Variants in SNTG1 observed in about 807,000 individuals in gnomAD.
SNTG1 encodes syntrophin gamma 1, also known as gamma-1-syntrophin.
In SNTG1, 39 loss-of-function variants were observed where a neutral mutation model predicts 74.7. The observed-to-expected ratio is 0.52, with a 90% CI of 0.40 to 0.68. The LOEUF (loss-of-function observed/expected upper bound fraction) is 0.68. SNTG1 is among the 30% of genes least tolerant of loss of function. The pLI is 0.00. For synonymous variants in SNTG1, 254 were observed against 217.1 expected (o/e 1.17, Z -1.49); for missense variants, 685 against 609.5 (o/e 1.12, Z -1.30).
chr8:50,083,982 G>A (rs1274092472), intron 1 of SNTG1, among the ~76,000 whole-genome samples: 2 of 152,068 alleles, frequency 1.3e-5, no homozygotes, highest in Non-Finnish European at 2.9e-5. Flanking sequence ...CTTTAATTTA[G>A]AACCTCTTTC....
At chr8:50,006,326 A>T (rs964227057) in intron 1 of SNTG1, among the ~76,000 whole-genome samples, 2 of 152,156 alleles carry the variant, frequency 1.3e-5, no homozygotes, top group Non-Finnish European at 2.9e-5. Flanking sequence ...TTGTTTCCAG[A>T]GAATTTGAAA....
intron 8 of SNTG1, among the ~76,000 whole-genome samples, chr8:50,496,019 C>A (rs184322688): frequency 8.5e-5 from 13 of 152,248 alleles, no homozygotes; most frequent in Admixed American, 7.8e-4. Context: ...TTGGTTTCCA[C>A]GTATAGTCAG....
In SNTG1 at chr8:49,952,081, T is replaced by C. The variant is rs554202191; in HGVS notation, c.-103+39850T>C. 1.1e-4 allele frequency among the ~76,000 whole-genome samples: 16 copies of C among 152,232 alleles called. No individual in the cohort carries two copies. The East Asian group carries it at 2.9e-3, about 28-fold the overall frequency. ...GGAAAGCTTTCTGCAAGAAATGTTA[T>C]TTTAGATCTAAATGTTTTTATCATC... On this transcript the variant is annotated intron_variant, in intron 1 of 18. Coordinates refer to ENST00000642720, the MANE Select transcript of SNTG1 (RefSeq NM_018967.5).
intron 2 of SNTG1, among the ~76,000 whole-genome samples, chr8:50,232,197 G>A: frequency 6.6e-6 from 1 of 151,490 alleles, no homozygotes; most frequent in East Asian, 1.9e-4. Flanking sequence ...ATGTAAAACT[G>A]TTTTTAAAAA....
At chr8:50,110,265 C>A (rs2080531842) in intron 1 of SNTG1, among the ~76,000 whole-genome samples, 1 of 152,120 alleles carries the variant, frequency 6.6e-6, no homozygotes, top group Non-Finnish European at 1.5e-5. Flanking sequence ...CTCCTCTCTC[C>A]TCATATCTAG....
chr8:50,056,036 A>G (rs1029115730), intron 1 of SNTG1, among the ~76,000 whole-genome samples: 2 of 152,086 alleles, frequency 1.3e-5, no homozygotes, highest in African/African-American at 4.8e-5. Flanking sequence ...AAAATGAATC[A>G]TCACCTTTCC....
At chr8:49,947,474 G>C (rs1809303666) in intron 1 of SNTG1, among the ~76,000 whole-genome samples, 1 of 152,112 alleles carries the variant, frequency 6.6e-6, no homozygotes, top group African/African-American at 2.4e-5. Flanking sequence ...CAACCAGAGG[G>C]CTTTTACCCC....
chr8:50,113,211 A>T (rs1347644275), intron 1 of SNTG1, among the ~76,000 whole-genome samples: 1 of 152,094 alleles, frequency 6.6e-6, no homozygotes, highest in Non-Finnish European at 1.5e-5. Flanking sequence ...TTTTCAGGAT[A>T]TTGATTCTTC....
intron 1 of SNTG1, among the ~76,000 whole-genome samples, chr8:50,091,671 A>T (rs916607604): frequency 6.6e-6 from 1 of 152,092 alleles, no homozygotes; most frequent in African/African-American, 2.4e-5. Context: ...ATGTATCATG[A>T]TTCTATATTT....
At chr8:50,736,867 G>T (rs1171824894) in intron 17 of SNTG1, among the ~76,000 whole-genome samples, 1 of 152,038 alleles carries the variant, frequency 6.6e-6, no homozygotes, top group Non-Finnish European at 1.5e-5. Flanking sequence ...AATCCACTGA[G>T]AATAAAGACA....
intron 17 of SNTG1, among the ~76,000 whole-genome samples, chr8:50,737,128 GT>G (rs924739416): frequency 6.6e-6 from 1 of 152,020 alleles, no homozygotes; most frequent in East Asian, 1.9e-4. Context: ...CCAGGAGCTG[GT>G]TTTTTGAAAA....
chr8:50,679,588 T>C (rs896326889), intron 15 of SNTG1, among the ~76,000 whole-genome samples: 2 of 152,174 alleles, frequency 1.3e-5, no homozygotes, highest in African/African-American at 4.8e-5. Context: ...ATGCTAACAA[T>C]GGCAATTCCC....
intron 2 of SNTG1, among the ~76,000 whole-genome samples, chr8:50,287,391 G>A (rs138113278): frequency 1.5e-3 from 231 of 152,168 alleles, no homozygotes; most frequent in African/African-American, 5.3e-3. Context: ...AGTTAACGTC[G>A]TTGCCATCTG....
intron 13 of SNTG1, among the ~76,000 whole-genome samples, chr8:50,629,867 T>C (rs761975783): frequency 6.6e-6 from 1 of 152,268 alleles, no homozygotes; most frequent in Non-Finnish European, 1.5e-5. Context: ...GGACGACCAA[T>C]TGTCTGATGA....
intron 2 of SNTG1, among the ~76,000 whole-genome samples, chr8:50,392,113 G>A (rs1206276019): frequency 6.6e-6 from 1 of 152,176 alleles, no homozygotes; most frequent in Non-Finnish European, 1.5e-5. Flanking sequence ...TTAAACTTTA[G>A]ATAGTACTAA....
intron 1 of SNTG1, among the ~76,000 whole-genome samples, chr8:49,979,285 C>T (rs1475934252): frequency 6.6e-6 from 1 of 152,158 alleles, no homozygotes; most frequent in Non-Finnish European, 1.5e-5. Flanking sequence ...GGCCCCGCAC[C>T]GCCGCCTGCC....
At position 50,170,550 on chromosome 8, in the gene SNTG1, C is replaced by T. The variant is rs571786447; in HGVS notation, c.-102-2011C>T. On this transcript the variant is annotated intron_variant, in intron 1 of 18. Coordinates refer to ENST00000642720, the MANE Select transcript of SNTG1 (RefSeq NM_018967.5). ...ATAGAGTGAGGCATAAGATTTATCT[C>T]GTGTATTGGTTATCTATTGCTGCAT... Among the ~76,000 whole-genome samples, 7 of 152,180 alleles carry T rather than the reference C, an allele frequency of 4.6e-5. No individual in the cohort carries two copies. In the East Asian group the frequency reaches 7.7e-4, roughly 17 times the overall value.
intron 1 of SNTG1, among the ~76,000 whole-genome samples, chr8:49,977,828 G>A (rs939289523): frequency 6.6e-6 from 1 of 152,226 alleles, no homozygotes; most frequent in African/African-American, 2.4e-5. Context: ...AAAGTTAGAA[G>A]GTCAGAAGAC....
intron 17 of SNTG1, among the ~76,000 whole-genome samples, chr8:50,745,263 T>C (rs1195484909): frequency 6.6e-6 from 1 of 151,834 alleles, no homozygotes; most frequent in African/African-American, 2.4e-5. Flanking sequence ...ACAAAGAATA[T>C]ATACAAATGG....
Sources: allele counts gnomAD v4.1 joint callset (sites outside exome capture counted in the v4.1 genomes callset), GRCh38; gene constraint gnomAD v4.1.1; transcripts MANE v1.5; gene names NCBI Gene and HGNC (gene_info 2026-07-23, HGNC 2026-07-21).